The following NBEA variants were observed in gnomAD, a reference collection of about 807,000 sequenced individuals.
The protein encoded by NBEA is lysosomal-trafficking regulator 2.
A neutral mutation model predicts 343.4 loss-of-function variants in NBEA; 44 were observed. The observed-to-expected ratio is 0.13, with a 90% CI of 0.10 to 0.16. The LOEUF (loss-of-function observed/expected upper bound fraction) is 0.16. Among genes scored for constraint, NBEA ranks in the 10% least tolerant of loss-of-function variants. NBEA has a pLI of 1.00. For synonymous variants in NBEA, 1,175 were observed against 1,238.7 expected, an observed-to-expected ratio of 0.95 and a Z score of 1.08; for missense variants, 2,555 against 3,631.3, an observed-to-expected ratio of 0.70 and a Z score of 7.62.
At chr13:35,165,684 CTTTTCTT>C (rs1304449451) in intron 24 of NBEA, among the ~76,000 whole-genome samples, 26 of 146,746 alleles carry the variant, frequency 1.8e-4, no homozygotes, top group African/African-American at 5.7e-4. Context: ...CTTCTCTTTT[CTTTTCTT>C]TTTTTTTTTT....
At chr13:35,089,420 G>C (rs1593307318) in intron 10 of NBEA, among the ~76,000 whole-genome samples, 1 of 137,906 alleles carries the variant, frequency 7.3e-6, no homozygotes, top group Non-Finnish European at 1.6e-5. Context: ...ACAGGTGCTG[G>C]AGAGGATGTG....
At chr13:35,272,782 G>A (rs2034268429) in intron 34 of NBEA, among the ~76,000 whole-genome samples, 1 of 152,088 alleles carries the variant, frequency 6.6e-6, no homozygotes, top group African/African-American at 2.4e-5. Context: ...AATGGTAAAG[G>A]GATCAATTCA....
intron 7 of NBEA, among the ~76,000 whole-genome samples, chr13:35,057,246 G>A (rs1406806142): frequency 6.6e-6 from 1 of 152,004 alleles, no homozygotes; most frequent in African/African-American, 2.4e-5. Context: ...TTCATCTCCC[G>A]AAGGGCAGGG....
chr13:35,525,665 G>A (rs116760982), intron 41 of NBEA, among the ~76,000 whole-genome samples: 3,442 of 152,222 alleles, frequency 0.023, 40 homozygotes, highest in South Asian at 0.042. Flanking sequence ...CAGGATACTT[G>A]GTATCTTAGT....
Position 35,606,520 on chromosome 13 carries a change from A to C in NBEA, c.7391A>C (p.Asp2464Ala). The stretch of plus-strand genomic sequence containing the variant: ...AGAGAAGATGAAGTAGTGGTAAATG[A>C]TGTTGATCTTCCCCCTTGGGCAAAA... The part of the protein sequence containing the change: ...GVREDEVVVN[D>A]VDLPPWAKKP... The change falls in exon 48 of 59, where the codon GAT (aspartate) becomes GCT (alanine). Residue 2464 changes from aspartate (D) to alanine (A), a missense_variant. By Grantham distance (126) the Asp-to-Ala change is moderately radical (BLOSUM62 -2). Around this residue, in one of 21 missense-constraint regions of NBEA, gnomAD observed 156 missense variants for 185.8 expected, o/e 0.84. Coordinates refer to ENST00000379939, the MANE Select transcript of NBEA (RefSeq NM_001385012.1). The C allele has an allele frequency of 6.2e-7, 1 of 1,608,206 alleles. No individual in the cohort carries two copies. Among genetic ancestry groups the C allele is most frequent in the Non-Finnish European group, 8.5e-7 (1 of 1,176,300 alleles).
At chr13:35,663,182 C>G (rs1352769204) in intron 55 of NBEA, among the ~76,000 whole-genome samples, 1 of 152,128 alleles carries the variant, frequency 6.6e-6, no homozygotes, top group African/African-American at 2.4e-5. Flanking sequence ...CCGTAGTCAC[C>G]CTATTTTGCT....
At chr13:35,063,821 A>C in intron 8 of NBEA, among the ~76,000 whole-genome samples, 1 of 152,006 alleles carries the variant, frequency 6.6e-6, no homozygotes, top group Non-Finnish European at 1.5e-5. Context: ...CTAAGACTCT[A>C]AAAGGTCAGC....
intron 1 of NBEA, among the ~76,000 whole-genome samples, chr13:34,983,041 C>CT (rs2060412605): frequency 6.6e-6 from 1 of 152,082 alleles, no homozygotes; most frequent in Non-Finnish European, 1.5e-5. Flanking sequence ...TTATTTTATA[C>CT]TTTAAGTTCT....
At chr13:35,395,612 A>G (rs910515723) in intron 38 of NBEA, among the ~76,000 whole-genome samples, 1 of 151,990 alleles carries the variant, frequency 6.6e-6, no homozygotes, top group Non-Finnish European at 1.5e-5. Context: ...AATAATGTAC[A>G]TTTTTCACTC....
chr13:35,469,099 CAAAAA>C (rs34222156), intron 40 of NBEA, among the ~76,000 whole-genome samples: 1,014 of 85,026 alleles, frequency 0.012, 8 homozygotes, highest in South Asian at 0.028. Context: ...GACTCTATCT[CAAAAA>C]AAAAAAAAAA....
At chr13:35,066,005 A>G (rs1182877419) in intron 8 of NBEA, among the ~76,000 whole-genome samples, 1 of 152,014 alleles carries the variant, frequency 6.6e-6, no homozygotes, top group African/African-American at 2.4e-5. Context: ...TCTGTCACCT[A>G]AGCTGGAGTG....
At chr13:35,379,252 A>G (rs1479703493) in intron 38 of NBEA, among the ~76,000 whole-genome samples, 3 of 151,992 alleles carry the variant, frequency 2.0e-5, no homozygotes, top group Non-Finnish European at 4.4e-5. Context: ...CATTTTAGCT[A>G]TTTAGGTGGG....
chr13:35,048,032 G>A lies in NBEA; in HGVS notation c.724-531G>A, dbSNP rs192449665. ...TTTGGTTATAAATATCAGTAGTTAA[G>A]TTTCTGAGTAATAAATGTCATACTT... is the stretch of plus-strand genomic sequence containing the variant. On this transcript the variant is annotated intron_variant, in intron 4 of 58. Coordinates refer to ENST00000379939, the MANE Select transcript of NBEA (RefSeq NM_001385012.1). 3.7e-3 allele frequency among the ~76,000 whole-genome samples: 566 copies of A among 151,826 alleles called. 3 individuals carry two copies. Among genetic ancestry groups the A allele is most frequent in the African/African-American group, 0.013 (546 of 41,480 alleles).
chr13:35,182,617 C>A, intron 29 of NBEA, 89 bp downstream of exon 29: 2 of 1,178,774 alleles, frequency 1.7e-6, no homozygotes, highest in Non-Finnish European at 2.4e-6. Context: ...TGGACCTCTT[C>A]ATAATCACCT....
chr13:35,135,936 C>G (rs2067701926), intron 17 of NBEA, among the ~76,000 whole-genome samples: 1 of 144,160 alleles, frequency 6.9e-6, no homozygotes, highest in Non-Finnish European at 1.5e-5. Context: ...AAAAAGAAAA[C>G]CAAAACCACA....
chr13:35,455,700 G>A (rs2046548288), intron 40 of NBEA, among the ~76,000 whole-genome samples: 1 of 152,044 alleles, frequency 6.6e-6, no homozygotes, highest in Non-Finnish European at 1.5e-5. Context: ...TTAGTGTTCA[G>A]ACAGCTTTGT....
chr13:35,308,550 G>A (rs9600470), intron 35 of NBEA, among the ~76,000 whole-genome samples: 1,656 of 104,918 alleles, frequency 0.016, 27 homozygotes, highest in East Asian at 0.049. Flanking sequence ...GTATATATAT[G>A]TATATATGTA....
chr13:35,550,432 C>A, intron 41 of NBEA, 45 bp from the exon 42 acceptor site: 1 of 1,116,386 alleles, frequency 9.0e-7, no homozygotes, highest in Non-Finnish European at 1.3e-6. Context: ...GATCTTAAAT[C>A]CATATTTTAT....
At chr13:35,186,690 CTTTA>C (rs1228629563) in intron 30 of NBEA, 1 of 152,088 alleles carries the variant, frequency 6.6e-6, no homozygotes, top group African/African-American at 2.4e-5. Flanking sequence ...ACATCATAAA[CTTTA>C]TTTATAATCG....
Sources: allele counts gnomAD v4.1 joint callset (sites outside exome capture counted in the v4.1 genomes callset), GRCh38; gene constraint gnomAD v4.1.1; regional missense constraint gnomAD v4.1.1; transcripts MANE v1.5; gene names NCBI Gene and HGNC (gene_info 2026-07-23, HGNC 2026-07-21).